Variants in MARK4 observed in about 807,000 individuals in gnomAD.
MARK4 encodes the protein microtubule affinity regulating kinase 4.
MARK4 carries 19 observed loss-of-function variants against 81.5 expected under a neutral mutation model. The ratio of observed to expected loss-of-function variants is 0.23; its 90% CI spans 0.16 to 0.34. The LOEUF is 0.34. Ranked by LOEUF, MARK4 falls within the 10% of genes least tolerant of loss-of-function variation. The pLI is 1.00. For synonymous variants in MARK4, 436 were observed against 439.0 expected (o/e 0.99, Z 0.08); for missense variants, 772 against 1,058.8 (o/e 0.73, Z 3.76).
At chr19:45,278,373 G>A in intron 9 of MARK4, 143 bp from the exon 10 acceptor site, 1 of 758,318 alleles carries the variant, frequency 1.3e-6, no homozygotes, top group Non-Finnish European at 2.2e-6. Context: ...GTGGGGGAGA[G>A]AGAGGCCCAG....
chr19:45,297,708 C>A lies in MARK4; in HGVS notation c.1631C>A (p.Pro544His). Residue 544 changes from proline (P) to histidine (H), a missense_variant, in exon 15 of 17, where the codon CCC becomes CAC. Physicochemically the swap from Pro to His is moderately conservative, Grantham distance 77. Transcript: ENST00000262891. The part of the protein sequence containing the change: ...SGTPRVPPAS[P>H]SSHSLAPPSG... ...ACCCCACGGGTGCCCCCTGCCTCCC[C>A]CTCCAGTCACAGCCTGGCACCCCCA... 1 of 1,549,072 alleles carries A rather than the reference C, an allele frequency of 6.5e-7. No individual in the cohort carries two copies. The highest frequency in any genetic ancestry group is 8.7e-7 in the Non-Finnish European group (1 of 1,154,380).
At chr19:45,285,510 G>A (rs954321183) in intron 12 of MARK4, among the ~76,000 whole-genome samples, 9 of 152,188 alleles carry the variant, frequency 5.9e-5, no homozygotes, top group South Asian at 2.1e-4. Context: ...AGCCCCACAC[G>A]GGAAGTGGTG....
chr19:45,269,970 G>C (rs1361565123), intron 7 of MARK4, among the ~76,000 whole-genome samples: 1 of 152,186 alleles, frequency 6.6e-6, no homozygotes, highest in East Asian at 1.9e-4. Context: ...TGGGATTACA[G>C]GCACCCGCCA....
At chr19:45,274,012 G>C (rs1293641813) in intron 8 of MARK4, among the ~76,000 whole-genome samples, 1 of 152,222 alleles carries the variant, frequency 6.6e-6, no homozygotes, top group Non-Finnish European at 1.5e-5. Context: ...CACTTTGGGA[G>C]GCCGAGGCGG....
rs1161213975 is a variant in MARK4, at chr19:45,303,118, G to T, written c.*408G>T. ...CTGGAGAATCTGGGGGACTGGGAGT[G>T]GGGGTCAGAGAGGCAGATTCCTTCC... On this transcript the variant is annotated 3_prime_UTR_variant, in exon 17 of 17. Transcript: ENST00000262891. 1.4e-5 allele frequency: 3 copies of T among 214,706 alleles called. No homozygotes were observed. Among genetic ancestry groups the T allele is most frequent in the Non-Finnish European group, 2.8e-5 (3 of 107,660 alleles). 13.3% of individuals were successfully genotyped at this position (214,706 alleles called of 1,614,324 possible).
Position 45,263,326 on chromosome 19 carries a change from G to A in MARK4, c.314G>A (p.Arg105Gln). Residue 105 changes from arginine to glutamine, a missense_variant, in exon 4 of 17, where the codon CGA (arginine) becomes CAA (glutamine). This residue lies in a region of MARK4 where 109 missense variants were observed against 294.7 expected (regional missense o/e 0.37). Transcript: ENST00000262891. ...LNPSSLQKLF[R>Q]EVRIMKGLNH... ...CTTTCTGGCCACGCCCAGCTGTTCC[G>A]AGAAGTCCGCATCATGAAGGGCCTA... 6.2e-7 allele frequency: 1 copy of A among 1,614,180 alleles called. No homozygotes were observed. Among genetic ancestry groups the A allele is most frequent in the Non-Finnish European group, 8.5e-7 (1 of 1,180,018 alleles).
rs1453648368 is a variant in MARK4, at chr19:45,280,456, C to T, written c.1089C>T (p.Thr363=). Residue 363 remains threonine, a synonymous_variant, in exon 11 of 17, where the codon ACC becomes ACT. Transcript: ENST00000262891. ...TSQKYNEVTA[T]YLLLGRKTEE... is the part of the protein sequence containing the mutation. ...AGAAGTACAACGAAGTGACCGCCAC[C>T]TACCTCCTGCTGGGCAGGAAGACTG... 1 of 1,614,180 alleles carries T rather than the reference C, an allele frequency of 6.2e-7. No homozygotes were observed. The highest frequency in any genetic ancestry group is 8.5e-7 in the Non-Finnish European group (1 of 1,180,032).
chr19:45,287,554 G>A lies in MARK4; in HGVS notation c.1384G>A (p.Ala462Thr), dbSNP rs549577494. The change falls in exon 13 of 17, where the codon GCG becomes ACG. Residue 462 changes from alanine to threonine, a missense_variant. By Grantham distance (58) the Ala-to-Thr change is moderately conservative. Transcript: ENST00000262891. ...LPGRKASCST[A>T]GSGSRGLPPS... The stretch of plus-strand genomic sequence containing the variant: ...AGGCCGGAAGGCGAGCTGCAGCACC[G>A]CGGGGAGTGGGAGTCGAGGGCTGCC... The A allele has an allele frequency of 1.3e-4, 200 of 1,590,484 alleles. No individual in the cohort carries two copies. The South Asian group carries it at 1.5e-3, about 12-fold the overall frequency.
intron 6 of MARK4, among the ~76,000 whole-genome samples, chr19:45,265,174 G>T (rs1224773426): frequency 1.3e-5 from 2 of 152,180 alleles, no homozygotes; most frequent in Non-Finnish European, 2.9e-5. Flanking sequence ...TGCATGTGTA[G>T]GGCATGTGGG....
chr19:45,275,521 T>C (rs1451465394), intron 8 of MARK4, among the ~76,000 whole-genome samples: 1 of 151,574 alleles, frequency 6.6e-6, no homozygotes, highest in African/African-American at 2.4e-5. Flanking sequence ...GCAGCCCGTC[T>C]GCATATGTTA....
chr19:45,284,471 C>T (rs1371503826), intron 12 of MARK4, among the ~76,000 whole-genome samples: 1 of 151,908 alleles, frequency 6.6e-6, no homozygotes, highest in Non-Finnish European at 1.5e-5. Context: ...TATAGGTGTC[C>T]ACCACCACGC....
At chr19:45,299,770 T>A in intron 15 of MARK4, 41 bp from the exon 16 acceptor site, 1 of 1,548,960 alleles carries the variant, frequency 6.5e-7, no homozygotes, top group Non-Finnish European at 8.8e-7. Context: ...GTGGGTTCCC[T>A]ATGTCCAGAT....
Position 45,294,340 on chromosome 19 carries a change from C to T in MARK4, c.1495-9C>T, listed in dbSNP as rs762123982. On this transcript the variant is annotated splice_polypyrimidine_tract_variant and intron_variant, in intron 13 of 16. Transcript: ENST00000262891. ...CCCCTCACTCCCTTCCTGGCTGTGT[C>T]TCCTGCAGAACAACCTCCCTCCTAG... The T allele has an allele frequency of 1.2e-6, 2 of 1,613,732 alleles. No individual in the cohort carries two copies. Among genetic ancestry groups the T allele is most frequent in the South Asian group, 2.2e-5 (2 of 91,068 alleles).
intron 2 of MARK4, among the ~76,000 whole-genome samples, chr19:45,261,742 T>C (rs1970383336): frequency 6.6e-6 from 1 of 152,184 alleles, no homozygotes; most frequent in African/African-American, 2.4e-5. Context: ...AAGACCAGCT[T>C]GGCCAACATG....
chr19:45,262,629 C>T (rs1262945849), intron 2 of MARK4, among the ~76,000 whole-genome samples: 1 of 152,190 alleles, frequency 6.6e-6, no homozygotes, highest in Non-Finnish European at 1.5e-5. Flanking sequence ...TCAGCCAGGC[C>T]CTGCTGTGGA....
At chr19:45,269,929 C>T (rs1309799991) in intron 7 of MARK4, among the ~76,000 whole-genome samples, 1 of 152,030 alleles carries the variant, frequency 6.6e-6, no homozygotes, top group East Asian at 1.9e-4. Flanking sequence ...TTTCAGCTCA[C>T]GCGATTCCTT....
At chr19:45,262,572 A>C (rs1456195620) in intron 2 of MARK4, among the ~76,000 whole-genome samples, 7 of 152,186 alleles carry the variant, frequency 4.6e-5, no homozygotes, top group African/African-American at 1.7e-4. Context: ...GGATCCCCTC[A>C]AGGTCTCGTC....
intron 2 of MARK4, among the ~76,000 whole-genome samples, chr19:45,259,628 A>G (rs73036542): frequency 0.15 from 23,389 of 152,046 alleles, 2,309 homozygotes; most frequent in Middle Eastern, 0.32. Context: ...TTTAAAAATT[A>G]GCTGGGTGCG....
At position 45,297,827 on chromosome 19, in the gene MARK4, G is replaced by C. The variant is rs2123109651; in HGVS notation, c.1750G>C (p.Gly584Arg). The change falls in exon 15 of 17, where the codon GGT (glycine) becomes CGT (arginine). Residue 584 changes from glycine to arginine, a missense_variant. Around this residue, in one of 3 missense-constraint regions of MARK4, gnomAD observed 548 missense variants for 624.3 expected, o/e 0.88. Transcript: ENST00000262891. ...GGACCGGCGGGCAGGGGGTGGGGGT[G>C]GTGGGGGTGTGCAGAATGGGCCCCC... ...VRDRRAGGGG[G>R]GGVQNGPPAS... The C allele has an allele frequency of 1.3e-6, 2 of 1,544,492 alleles. 1 individual carries two copies. The highest frequency in any genetic ancestry group is 2.4e-5 in the South Asian group (2 of 83,810).
Sources: gnomAD v4.1 joint callset for allele counts (sites outside exome capture counted in the v4.1 genomes callset) on GRCh38, gnomAD v4.1.1 for gene constraint, gnomAD v4.1.1 regional missense constraint, MANE v1.5 for transcripts, NCBI Gene and HGNC (gene_info 2026-07-23, HGNC 2026-07-21) for gene names.